GLDC: variants seen among roughly 807,000 people sequenced by gnomAD.
The protein encoded by GLDC is glycine dehydrogenase (decarboxylating), mitochondrial.
Under a neutral mutation model 121.3 loss-of-function variants are expected in GLDC, and 104 were observed. The observed-to-expected ratio is 0.86, with a 90% confidence interval of 0.73 to 1.01. The LOEUF (loss-of-function observed/expected upper bound fraction) is 1.01, where lower values mean the gene tolerates loss of function less well. Among genes scored for constraint, GLDC ranks in the 50% least tolerant of loss-of-function variants. The pLI is 0.00. For missense variants in GLDC, 1,429 were observed against 1,306.6 expected, an observed-to-expected ratio of 1.09 and a Z score of -1.44; for synonymous variants, 546 against 480.6, an observed-to-expected ratio of 1.14 and a Z score of -1.78.
At chr9:6,591,974 A>T in intron 11 of GLDC, 169 bp downstream of exon 11, 1 of 659,842 alleles carries the variant, frequency 1.5e-6, no homozygotes, top group Non-Finnish European at 2.8e-6. Flanking sequence ...TACAGCAGTG[A>T]CCTCCAGCTG....
chr9:6,606,638 G>A lies in GLDC; in HGVS notation c.667C>T (p.Pro223Ser). 1 of 1,608,724 alleles carries A rather than the reference G, an allele frequency of 6.2e-7. No homozygotes were observed. Among genetic ancestry groups the A allele is most frequent in the Non-Finnish European group, 8.5e-7 (1 of 1,175,242 alleles). ...HNKRRKFLVD[P>S]RCHPQTIAVV... ...GCTATTGTCTGTGGGTGGCAACGGG[G>A]ATCAACGAGAAATTTCCTCCTCTTG... Residue 223 changes from proline (P) to serine (S), a missense_variant, in exon 5 of 25, where the codon CCC becomes TCC. Physicochemically the swap from Pro to Ser is moderately conservative, Grantham distance 74. Coordinates refer to ENST00000321612, the MANE Select transcript of GLDC (RefSeq NM_000170.3).
At chr9:6,603,550 A>AGT in intron 7 of GLDC, among the ~76,000 whole-genome samples, 1 of 147,878 alleles carries the variant, frequency 6.8e-6, no homozygotes. Context: ...TAAATAAATA[A>AGT]ATAAATAAAA....
chr9:6,587,749 A>C (rs894461192), intron 14 of GLDC, among the ~76,000 whole-genome samples: 1 of 152,208 alleles, frequency 6.6e-6, no homozygotes, highest in Admixed American at 6.5e-5. Context: ...GGACTGCTTG[A>C]GGCCAGGAGT....
chr9:6,561,956 A>C (rs1817767885), intron 16 of GLDC, among the ~76,000 whole-genome samples: 1 of 152,202 alleles, frequency 6.6e-6, no homozygotes, highest in South Asian at 2.1e-4. Context: ...AAATATTCCC[A>C]TACAGGTTTT....
At chr9:6,594,930 G>T in intron 9 of GLDC, 84 bp downstream of exon 9, 4 of 837,192 alleles carry the variant, frequency 4.8e-6, no homozygotes, top group Non-Finnish European at 8.4e-6. Flanking sequence ...TTTGCATATA[G>T]TATTGGACAT....
chr9:6,618,521 G>A (rs1271118391), intron 3 of GLDC, among the ~76,000 whole-genome samples: 1 of 152,046 alleles, frequency 6.6e-6, no homozygotes, highest in African/African-American at 2.4e-5. Flanking sequence ...TGGTCAGGCT[G>A]GTCTCAAACT....
At chr9:6,568,385 G>T (rs1452136546) in intron 15 of GLDC, among the ~76,000 whole-genome samples, 2 of 152,156 alleles carry the variant, frequency 1.3e-5, no homozygotes, top group Non-Finnish European at 2.9e-5. Flanking sequence ...CCCAGACTAA[G>T]CAACCATCAA....
intron 3 of GLDC, among the ~76,000 whole-genome samples, chr9:6,617,576 A>G (rs1587970585): frequency 6.6e-6 from 1 of 152,224 alleles, no homozygotes; most frequent in African/African-American, 2.4e-5. Context: ...TCATCAATGC[A>G]AACGCATTCA....
At chr9:6,533,872 AG>A (rs1406641156) in intron 24 of GLDC, among the ~76,000 whole-genome samples, 2 of 151,514 alleles carry the variant, frequency 1.3e-5, no homozygotes, top group Non-Finnish European at 2.9e-5. Flanking sequence ...AAAAAAAAAA[AG>A]TTAATTTCTC....
intron 2 of GLDC, among the ~76,000 whole-genome samples, chr9:6,630,378 G>C (rs1389322743): frequency 6.6e-6 from 1 of 152,100 alleles, no homozygotes; most frequent in Non-Finnish European, 1.5e-5. Context: ...GCATCAGTAG[G>C]CCATCCACAG....
At chr9:6,644,811 TAAAAG>T (rs1397802896) in intron 1 of GLDC, 119 bp from the exon 2 acceptor site, 2 of 740,876 alleles carry the variant, frequency 2.7e-6, no homozygotes, top group Admixed American at 4.1e-5. Context: ...GGGTTCTTTT[TAAAAG>T]AAAAGGAAAA....
chr9:6,558,322 A>C lies in GLDC; in HGVS notation c.2052+237T>G, dbSNP rs1817678303. The stretch of plus-strand genomic sequence containing the variant: ...AAAGAGGCAGGCAGGTTCTGCAAGG[A>C]GTACTCTTACTACCACCATGAATAA... On this transcript the variant is annotated intron_variant, in intron 17 of 24. Coordinates refer to ENST00000321612, the MANE Select transcript of GLDC (RefSeq NM_000170.3). 3 of 628,080 alleles carry C rather than the reference A, an allele frequency of 4.8e-6. No homozygotes were observed. The South Asian group carries it at 5.7e-5, about 12-fold the overall frequency. The allele number at this position is 628,080 out of a possible 1,614,324, so 38.9% of individuals were successfully genotyped here.
chr9:6,628,468 C>G lies in GLDC; in HGVS notation c.335-8149G>C, dbSNP rs77234082. ...TGAAACTAACCAGGGGGGAAAGAGA[C>G]CAAATGAGAAAAGGGGGAATCCATT... is the stretch of plus-strand genomic sequence containing the variant. On this transcript the variant is annotated intron_variant, in intron 2 of 24. Transcript: ENST00000321612. 9.7e-4 allele frequency among the ~76,000 whole-genome samples: 147 copies of G among 152,244 alleles called. 1 individual carries two copies. The highest frequency in any genetic ancestry group is 3.4e-3 in the Middle Eastern group (1 of 292).
chr9:6,591,736 C>T (rs540188622), intron 11 of GLDC: 25 of 259,672 alleles, frequency 9.6e-5, no homozygotes, highest in Admixed American at 6.7e-4. Flanking sequence ...AGGTATGTGC[C>T]ACCATGCCTG....
At chr9:6,559,388 G>A (rs1360108493) in intron 16 of GLDC, among the ~76,000 whole-genome samples, 4 of 151,728 alleles carry the variant, frequency 2.6e-5, no homozygotes, top group Non-Finnish European at 5.9e-5. Context: ...GGTGGTAGGC[G>A]TCTGTAATCC....
chr9:6,633,969 A>G (rs1255815693), intron 2 of GLDC, among the ~76,000 whole-genome samples: 1 of 151,312 alleles, frequency 6.6e-6, no homozygotes, highest in Non-Finnish European at 1.5e-5. Context: ...AGCTGGGACT[A>G]CAGGCGCCCG....
chr9:6,549,058 A>G (rs771191865), intron 21 of GLDC, among the ~76,000 whole-genome samples: 76 of 152,244 alleles, frequency 5.0e-4, no homozygotes, highest in Non-Finnish European at 9.6e-4. Context: ...ACTACTTTCA[A>G]AGGCTACCAA....
intron 20 of GLDC, among the ~76,000 whole-genome samples, chr9:6,551,734 G>T (rs1456882426): frequency 6.6e-6 from 1 of 151,960 alleles, no homozygotes; most frequent in Non-Finnish European, 1.5e-5. Flanking sequence ...GAAAGGAGAA[G>T]GTATACCAGG....
At chr9:6,574,783 ACT>A (rs1220744482) in intron 15 of GLDC, among the ~76,000 whole-genome samples, 2 of 151,340 alleles carry the variant, frequency 1.3e-5, no homozygotes, top group African/African-American at 4.9e-5. Context: ...CCCCCAGAGT[ACT>A]CTGTTTCTGA....
Sources: allele counts gnomAD v4.1 joint callset (sites outside exome capture counted in the v4.1 genomes callset), GRCh38; gene constraint gnomAD v4.1.1; transcripts MANE v1.5; gene names NCBI Gene and HGNC (gene_info 2026-07-23, HGNC 2026-07-21).